Variants in DNM3 observed in about 807,000 individuals in gnomAD.
The protein encoded by DNM3 is dynamin 3.
DNM3 carries 47 observed loss-of-function variants against 101.6 expected under a neutral mutation model. The ratio of observed to expected loss-of-function variants is 0.46; its 90% CI spans 0.37 to 0.59. The LOEUF is 0.59. Ranked by LOEUF, DNM3 falls within the 20% of genes least tolerant of loss-of-function variation. DNM3 has a pLI of 0.00. For synonymous variants in DNM3, 385 were observed against 387.9 expected, an observed-to-expected ratio of 0.99 and a Z score of 0.09; for missense variants, 849 against 1,085.7, an observed-to-expected ratio of 0.78 and a Z score of 3.06.
At chr1:172,323,220 T>TG in intron 16 of DNM3, 109 bp from the exon 17 acceptor site, 1 of 1,120,238 alleles carries the variant, frequency 8.9e-7, no homozygotes, top group Non-Finnish European at 1.2e-6. Flanking sequence ...AAAACCTCAT[T>TG]TTATTTTTTT....
At chr1:172,404,726 T>A (rs954705802) in intron 20 of DNM3, among the ~76,000 whole-genome samples, 13 of 152,080 alleles carry the variant, frequency 8.5e-5, no homozygotes, top group African/African-American at 2.9e-4. Flanking sequence ...TTGACCACAT[T>A]ATTGTATTTT....
chr1:172,381,186 C>T (rs762075560), intron 18 of DNM3, among the ~76,000 whole-genome samples: 7 of 151,934 alleles, frequency 4.6e-5, no homozygotes, highest in Admixed American at 3.3e-4. Context: ...CCTCCACCTA[C>T]AGGATATTAT....
chr1:172,118,626 T>C (rs1049579436), intron 13 of DNM3, among the ~76,000 whole-genome samples: 1 of 152,142 alleles, frequency 6.6e-6, no homozygotes, highest in Non-Finnish European at 1.5e-5. Context: ...TGATTCACCA[T>C]ATGAAATCAG....
intron 10 of DNM3, among the ~76,000 whole-genome samples, chr1:172,050,043 A>G (rs1029579624): frequency 1.3e-5 from 2 of 152,108 alleles, no homozygotes; most frequent in Non-Finnish European, 2.9e-5. Context: ...CTCTTCTCCA[A>G]AACAAGAAAG....
intron 14 of DNM3, chr1:172,138,920 A>G: frequency 2.1e-6 from 1 of 473,114 alleles, no homozygotes; most frequent in South Asian, 1.5e-5. Flanking sequence ...TGGTTCCTTC[A>G]GGTTTCCTTT....
At chr1:172,098,275 G>T (rs771957744) in intron 13 of DNM3, among the ~76,000 whole-genome samples, 1 of 152,124 alleles carries the variant, frequency 6.6e-6, no homozygotes, top group Admixed American at 6.6e-5. Context: ...CCTCAGGGAC[G>T]CATTCTCTTT....
At chr1:172,415,899 A>T (rs2071412680), downstream of DNM3, among the ~76,000 whole-genome samples, 2 of 152,156 alleles carry the variant, frequency 1.3e-5, no homozygotes, top group Non-Finnish European at 2.9e-5. Flanking sequence ...TGGCCAGAGG[A>T]ATGTCACCAT....
intron 14 of DNM3, among the ~76,000 whole-genome samples, chr1:172,234,789 C>G (rs1206797235): frequency 6.6e-6 from 1 of 152,154 alleles, no homozygotes; most frequent in Non-Finnish European, 1.5e-5. Flanking sequence ...GGAAAACTGG[C>G]TAGCCATATG....
chr1:172,103,447 A>G (rs893969389), intron 13 of DNM3, among the ~76,000 whole-genome samples: 4 of 152,182 alleles, frequency 2.6e-5, no homozygotes, highest in African/African-American at 9.7e-5. Flanking sequence ...AAATTCGCAG[A>G]CATAAAATGA....
At chr1:172,132,351 T>C (rs929861495) in intron 14 of DNM3, among the ~76,000 whole-genome samples, 2 of 152,188 alleles carry the variant, frequency 1.3e-5, no homozygotes, top group Non-Finnish European at 2.9e-5. Flanking sequence ...CACTAAACTT[T>C]CTGCAATAAG....
chr1:172,198,075 A>T (rs996251311), intron 14 of DNM3, among the ~76,000 whole-genome samples: 9 of 152,034 alleles, frequency 5.9e-5, no homozygotes, highest in South Asian at 2.1e-4. Flanking sequence ...GTTTTGAGGT[A>T]TGTCCTTCAA....
chr1:171,968,396 A>G (rs941160402), intron 2 of DNM3, among the ~76,000 whole-genome samples: 9 of 152,192 alleles, frequency 5.9e-5, no homozygotes, highest in African/African-American at 7.2e-5. Context: ...AGTGTTCCCA[A>G]TGAATTGAGC....
intron 1 of DNM3, among the ~76,000 whole-genome samples, chr1:171,854,581 A>C (rs2033374655): frequency 6.6e-6 from 1 of 152,118 alleles, no homozygotes; most frequent in East Asian, 1.9e-4. Context: ...TCAAATTCTT[A>C]CTATTTAATG....
chr1:172,298,875 G>T (rs1319322642), intron 15 of DNM3, among the ~76,000 whole-genome samples: 1 of 133,452 alleles, frequency 7.5e-6, no homozygotes, highest in African/African-American at 2.8e-5. Flanking sequence ...GAGAGAGAGA[G>T]AAAGACAGAG....
intron 13 of DNM3, among the ~76,000 whole-genome samples, chr1:172,110,403 C>T (rs1279225905): frequency 1.3e-5 from 2 of 152,186 alleles, no homozygotes; most frequent in Non-Finnish European, 2.9e-5. Context: ...ACTATATGCT[C>T]AGTTAGATCA....
At chr1:172,166,704 C>T (rs2058756919) in intron 14 of DNM3, among the ~76,000 whole-genome samples, 1 of 150,454 alleles carries the variant, frequency 6.6e-6, no homozygotes, top group Non-Finnish European at 1.5e-5. Context: ...CCATCCTACC[C>T]AACATATTTT....
At chr1:172,042,746 A>G (rs542605626) in intron 8 of DNM3, among the ~76,000 whole-genome samples, 1 of 152,246 alleles carries the variant, frequency 6.6e-6, no homozygotes, top group Admixed American at 6.5e-5. Context: ...GTGGCTGATG[A>G]AGGAGAGGGG....
At chr1:172,230,162 G>A (rs2061280184) in intron 14 of DNM3, among the ~76,000 whole-genome samples, 1 of 139,530 alleles carries the variant, frequency 7.2e-6, no homozygotes, top group African/African-American at 3.3e-5. Context: ...TGTGTATCTT[G>A]GCTCTGCCCC....
chr1:172,174,681 T>C (rs1191856282), intron 14 of DNM3, among the ~76,000 whole-genome samples: 1 of 151,696 alleles, frequency 6.6e-6, no homozygotes, highest in Non-Finnish European at 1.5e-5. Flanking sequence ...GTGTTAGTAA[T>C]GATGTCTACT....
Sources: gnomAD v4.1 joint callset for allele counts (sites outside exome capture counted in the v4.1 genomes callset) on GRCh38, gnomAD v4.1.1 for gene constraint, MANE v1.5 for transcripts, NCBI Gene and HGNC (gene_info 2026-07-23, HGNC 2026-07-21) for gene names.